CCDC192: variants seen among roughly 807,000 people sequenced by gnomAD.
CCDC192 encodes the protein coiled-coil domain containing 192, also known as coiled-coil domain-containing protein 192.
intron 5 of CCDC192, among the ~76,000 whole-genome samples, chr5:127,851,692 G>A (rs1312247550): frequency 1.4e-4 from 22 of 152,244 alleles, no homozygotes; most frequent in African/African-American, 5.1e-4. Flanking sequence ...TCCTGACCTC[G>A]TGATCTGCCC....
intron 5 of CCDC192, among the ~76,000 whole-genome samples, chr5:127,847,246 G>A (rs1240568168): frequency 6.6e-6 from 1 of 152,162 alleles, no homozygotes; most frequent in Non-Finnish European, 1.5e-5. Flanking sequence ...CCTCTGTTTA[G>A]AATATCCTTG....
intron 3 of CCDC192, among the ~76,000 whole-genome samples, chr5:127,782,584 G>GT (rs1386726413): frequency 6.6e-6 from 1 of 151,768 alleles, no homozygotes; most frequent in Non-Finnish European, 1.5e-5. Context: ...TGTCATCTAG[G>GT]TTTTTTAGTC....
intron 2 of CCDC192, among the ~76,000 whole-genome samples, chr5:127,744,881 A>C (rs1753647803): frequency 6.6e-6 from 1 of 152,094 alleles, no homozygotes; most frequent in African/African-American, 2.4e-5. Flanking sequence ...CCGTTCCATC[A>C]CTCAACCTCG....
chr5:127,744,093 CAAAA>C (rs35375542), intron 2 of CCDC192, among the ~76,000 whole-genome samples: 1 of 50,054 alleles, frequency 2.0e-5, no homozygotes, highest in Non-Finnish European at 4.2e-5. Flanking sequence ...GACTCCGTCT[CAAAA>C]AAAAAAAAAA....
At chr5:127,801,123 A>G (rs1430312675) in intron 5 of CCDC192, among the ~76,000 whole-genome samples, 1 of 152,132 alleles carries the variant, frequency 6.6e-6, no homozygotes, top group Non-Finnish European at 1.5e-5. Context: ...TCACAGGGTG[A>G]GTGTGATCTG....
At chr5:127,862,562 G>C (rs1030992238) in intron 5 of CCDC192, among the ~76,000 whole-genome samples, 1 of 152,214 alleles carries the variant, frequency 6.6e-6, no homozygotes, top group African/African-American at 2.4e-5. Context: ...AGTAGGATTA[G>C]AGAGAATCTA....
chr5:127,814,295 C>G (rs115667998), intron 5 of CCDC192, among the ~76,000 whole-genome samples: 1 of 152,168 alleles, frequency 6.6e-6, no homozygotes, highest in Non-Finnish European at 1.5e-5. Context: ...AATAAGAATA[C>G]AGCTAAATGT....
chr5:127,794,176 C>G (rs979156917), intron 3 of CCDC192, among the ~76,000 whole-genome samples: 3 of 152,100 alleles, frequency 2.0e-5, no homozygotes, highest in African/African-American at 7.2e-5. Context: ...TACAGGAAAG[C>G]CAGGCTCTGA....
At chr5:127,727,857 A>T (rs533435324) in intron 2 of CCDC192, among the ~76,000 whole-genome samples, 1 of 151,402 alleles carries the variant, frequency 6.6e-6, no homozygotes, top group Admixed American at 6.5e-5. Flanking sequence ...AAATGACCTG[A>T]TGGAGCTGAA....
intron 6 of CCDC192, among the ~76,000 whole-genome samples, chr5:127,921,983 T>C (rs1753735818): frequency 6.6e-6 from 1 of 152,274 alleles, no homozygotes; most frequent in Non-Finnish European, 1.5e-5. Flanking sequence ...CTATTTTGTT[T>C]GATGTTAAAA....
In CCDC192 at chr5:127,883,698, G is replaced by A. The variant is rs4099110; in HGVS notation, c.535+8037G>A. Among the ~76,000 whole-genome samples the A allele has an allele frequency of 8.6e-3, 1,312 of 152,336 alleles. 20 individuals carry two copies. Among genetic ancestry groups the A allele is most frequent in the African/African-American group, 0.03 (1,244 of 41,572 alleles). On this transcript the variant is annotated intron_variant, in intron 6 of 6. Coordinates refer to ENST00000514853, the MANE Select transcript of CCDC192 (RefSeq NM_001317938.2). ...ATCTCAGGAAATGTTACTTCTTCCA[G>A]CTGGAGGCTGTGGCCTAATTCAATA...
At chr5:127,929,250 G>T (rs1753952608) in intron 6 of CCDC192, among the ~76,000 whole-genome samples, 1 of 152,170 alleles carries the variant, frequency 6.6e-6, no homozygotes. Flanking sequence ...AGTATCTTTT[G>T]CAGTTTATTA....
chr5:127,706,294 C>T (rs577761904), intron 1 of CCDC192, among the ~76,000 whole-genome samples: 7 of 151,950 alleles, frequency 4.6e-5, no homozygotes, highest in South Asian at 2.1e-4. Context: ...TTTGGGAAGC[C>T]GAGGTGGGTG....
intron 2 of CCDC192, among the ~76,000 whole-genome samples, chr5:127,744,761 A>G (rs889038150): frequency 2.0e-5 from 3 of 152,198 alleles, no homozygotes; most frequent in African/African-American, 7.2e-5. Flanking sequence ...GAGTCTTAAT[A>G]CCAAATTATT....
At chr5:127,743,706 G>A (rs1343956553) in intron 2 of CCDC192, among the ~76,000 whole-genome samples, 1 of 152,158 alleles carries the variant, frequency 6.6e-6, no homozygotes, top group Non-Finnish European at 1.5e-5. Context: ...CCCAAACACA[G>A]AGGAATACTG....
At chr5:127,934,601 C>A (rs1754138188) in intron 6 of CCDC192, among the ~76,000 whole-genome samples, 1 of 152,062 alleles carries the variant, frequency 6.6e-6, no homozygotes, top group Admixed American at 6.6e-5. Flanking sequence ...GATGAAACTT[C>A]AAGACATAGG....
At chr5:127,738,085 T>G (rs1027696245) in intron 2 of CCDC192, among the ~76,000 whole-genome samples, 1 of 152,112 alleles carries the variant, frequency 6.6e-6, no homozygotes, top group South Asian at 2.1e-4. Context: ...TTCCTTTCCA[T>G]GTTTAGTGCT....
chr5:127,746,351 AG>A (rs1466140883), intron 2 of CCDC192, among the ~76,000 whole-genome samples: 1 of 152,208 alleles, frequency 6.6e-6, no homozygotes, highest in Non-Finnish European at 1.5e-5. Flanking sequence ...CTTCTTAGCC[AG>A]GGAAATTTTG....
rs575394115 is a variant in CCDC192, at chr5:127,780,877, C to T, written c.223-16226C>T. Among the ~76,000 whole-genome samples the T allele has an allele frequency of 2.0e-5, 3 of 152,224 alleles. No homozygotes were observed. In the East Asian group the frequency reaches 5.8e-4, roughly 29 times the overall value. ...TTTTTATTGCATTTGCTTTTGGGTT[C>T]TTGGTCATGAAATCCTTGCCTAGGC... On this transcript the variant is annotated intron_variant, in intron 3 of 6. Coordinates refer to ENST00000514853, the MANE Select transcript of CCDC192 (RefSeq NM_001317938.2).
Sources: allele counts gnomAD v4.1 joint callset (sites outside exome capture counted in the v4.1 genomes callset), GRCh38; gene constraint gnomAD v4.1.1; transcripts MANE v1.5; gene names NCBI Gene and HGNC (gene_info 2026-07-23, HGNC 2026-07-21).